The following ZNF804B variants were observed in gnomAD, a reference collection of about 807,000 sequenced individuals.
ZNF804B encodes zinc finger 804B.
Under a neutral mutation model 101.4 loss-of-function variants are expected in ZNF804B, and 80 were observed. The observed-to-expected ratio is 0.79, with a 90% confidence interval of 0.66 to 0.95. ZNF804B has a LOEUF of 0.95. Among genes scored for constraint, ZNF804B ranks in the 40% least tolerant of loss-of-function variants. The probability of loss-of-function intolerance (pLI) is 0.00; values close to 1 mark genes in which losing one functional copy is unlikely to be tolerated. For missense variants in ZNF804B, 1,673 were observed against 1,561.9 expected (o/e 1.07, Z -1.20); for synonymous variants, 622 against 558.8 (o/e 1.11, Z -1.59).
chr7:88,977,018 G>C (rs1407674519), intron 1 of ZNF804B, among the ~76,000 whole-genome samples: 3 of 151,580 alleles, frequency 2.0e-5, no homozygotes, highest in Non-Finnish European at 4.4e-5. Context: ...TCATTCTGTT[G>C]ATACGATGTA....
At chr7:89,071,926 G>T (rs1789548195) in intron 1 of ZNF804B, among the ~76,000 whole-genome samples, 1 of 151,966 alleles carries the variant, frequency 6.6e-6, no homozygotes, top group Admixed American at 6.6e-5. Context: ...ACTTGTTCTG[G>T]CCAATTTTTC....
At chr7:88,977,430 A>G (rs1307816315) in intron 1 of ZNF804B, among the ~76,000 whole-genome samples, 2 of 151,240 alleles carry the variant, frequency 1.3e-5, no homozygotes, top group African/African-American at 2.4e-5. Context: ...ACTACTTGTT[A>G]TTGGTCTGCT....
intron 1 of ZNF804B, among the ~76,000 whole-genome samples, chr7:88,823,529 G>C (rs1187251049): frequency 2.0e-5 from 3 of 150,948 alleles, no homozygotes; most frequent in African/African-American, 7.2e-5. Context: ...GAGAATTTTA[G>C]GGGTCTGACA....
intron 1 of ZNF804B, among the ~76,000 whole-genome samples, chr7:89,116,033 T>C (rs1451058660): frequency 6.6e-6 from 1 of 151,608 alleles, no homozygotes; most frequent in African/African-American, 2.4e-5. Context: ...GCCTCCTGAG[T>C]AGCTGGGACT....
At chr7:89,034,821 GC>G (rs1170500372) in intron 1 of ZNF804B, among the ~76,000 whole-genome samples, 2 of 152,122 alleles carry the variant, frequency 1.3e-5, no homozygotes, top group African/African-American at 4.8e-5. Flanking sequence ...TTGAGGAATT[GC>G]CAGACTGTCT....
chr7:89,028,926 C>A (rs563645765), intron 1 of ZNF804B, among the ~76,000 whole-genome samples: 12 of 152,164 alleles, frequency 7.9e-5, no homozygotes, highest in African/African-American at 2.9e-4. Context: ...ATATTTAATT[C>A]TATGTCCATC....
intron 2 of ZNF804B, among the ~76,000 whole-genome samples, chr7:89,292,952 A>G (rs1361104764): frequency 6.6e-6 from 1 of 152,032 alleles, no homozygotes; most frequent in Non-Finnish European, 1.5e-5. Context: ...TGGTGAGAAA[A>G]ATTTAGAGAC....
At chr7:89,084,944 A>G (rs1292442010) in intron 1 of ZNF804B, among the ~76,000 whole-genome samples, 1 of 151,980 alleles carries the variant, frequency 6.6e-6, no homozygotes, top group East Asian at 1.9e-4. Flanking sequence ...ATTTCTATAA[A>G]TAATCATTTA....
In ZNF804B at chr7:89,208,082, GT is replaced by G. The variant is rs71526636; in HGVS notation, c.109-10056del. 7.3e-3 allele frequency among the ~76,000 whole-genome samples: 1,041 copies of G among 142,164 alleles called. 12 individuals are homozygous for G. The highest frequency in any genetic ancestry group is 0.024 in the African/African-American group (943 of 38,754). 93.3% of individuals were successfully genotyped at this position (142,164 alleles called of 152,430 possible). On this transcript the variant is annotated intron_variant, in intron 1 of 3. Coordinates refer to ENST00000333190, the MANE Select transcript of ZNF804B (RefSeq NM_181646.5). ...TGTGTTATATTTACTATTTTATTGG[GT>G]TTTTTTTTTTTTTTTTGAGACAGAG...
chr7:89,290,224 A>T (rs558438976), intron 2 of ZNF804B, among the ~76,000 whole-genome samples: 73 of 152,294 alleles, frequency 4.8e-4, no homozygotes, highest in African/African-American at 1.6e-3. Flanking sequence ...CCCAGTTAGT[A>T]TCAAAAACCT....
At chr7:89,271,462 A>C (rs977461936) in intron 2 of ZNF804B, among the ~76,000 whole-genome samples, 1 of 152,110 alleles carries the variant, frequency 6.6e-6, no homozygotes, top group Non-Finnish European at 1.5e-5. Flanking sequence ...TGCTGGATTC[A>C]GTTTGCCAGT....
chr7:89,234,207 G>A (rs112433468), intron 2 of ZNF804B, among the ~76,000 whole-genome samples: 9 of 151,902 alleles, frequency 5.9e-5, no homozygotes, highest in Non-Finnish European at 1.2e-4. Flanking sequence ...AATTGTTGAG[G>A]TGTATATATG....
intron 1 of ZNF804B, among the ~76,000 whole-genome samples, chr7:88,975,305 T>C (rs1299620618): frequency 6.6e-6 from 1 of 151,446 alleles, no homozygotes; most frequent in African/African-American, 2.4e-5. Context: ...AGCTGTGGGA[T>C]TGCTAGACCA....
intron 1 of ZNF804B, among the ~76,000 whole-genome samples, chr7:89,209,127 T>G (rs10259889): frequency 6.6e-6 from 1 of 152,198 alleles, no homozygotes; most frequent in African/African-American, 2.4e-5. Flanking sequence ...TGTTTCTTCA[T>G]GTACAGAAAT....
rs1562920194 is a variant in ZNF804B at position 89,219,997 on chromosome 7, G to GTGTGTATACATA, written c.249+1703_249+1704insGTGTATACATAT. Among the ~76,000 whole-genome samples the GTGTGTATACATA allele has an allele frequency of 7.2e-4, 40 of 55,812 alleles. 13 individuals are homozygous for GTGTGTATACATA. The highest frequency in any genetic ancestry group is 2.9e-3 in the African/African-American group (33 of 11,214). 36.6% of individuals were successfully genotyped at this position (55,812 alleles called of 152,430 possible). A position where few individuals can be genotyped will look rare whatever the true frequency, so the allele number is the denominator to read the frequency against. ...TGTATATACATATGTGTGCATATATGTATATGCACATATATGTGTGTATAC... is the reference window on the plus strand; with the variant it reads ...TGTATATACATATGTGTGCATATATGTGTGTATACATATATATGCACATATATGTGTGTATAC... On this transcript the variant is annotated intron_variant, in intron 2 of 3. Transcript: ENST00000333190.
intron 1 of ZNF804B, among the ~76,000 whole-genome samples, chr7:89,148,713 A>C (rs1386289103): frequency 6.6e-6 from 1 of 151,988 alleles, no homozygotes; most frequent in African/African-American, 2.4e-5. Context: ...TGTGAACAGA[A>C]TTTTTAAAAA....
At chr7:89,069,472 T>C (rs1047204480) in intron 1 of ZNF804B, among the ~76,000 whole-genome samples, 7 of 152,140 alleles carry the variant, frequency 4.6e-5, no homozygotes, top group African/African-American at 1.7e-4. Flanking sequence ...GTCATTCAAA[T>C]ACAATCACTA....
rs1471924779 is a variant in ZNF804B, at chr7:89,337,610, AT to A, written c.*579del. Among the ~76,000 whole-genome samples the A allele has an allele frequency of 6.6e-6, 1 of 152,176 alleles. No individual in the cohort carries two copies. On this transcript the variant is annotated 3_prime_UTR_variant, in exon 4 of 4. Transcript: ENST00000333190. ...GAAAATTACATTTTAATGAAAAACA[AT>A]CTTTATAGATTATACTTTTGAGTTT...
intron 2 of ZNF804B, among the ~76,000 whole-genome samples, chr7:89,278,489 AC>A (rs1662607580): frequency 6.6e-6 from 1 of 150,882 alleles, no homozygotes; most frequent in Non-Finnish European, 1.5e-5. Flanking sequence ...TTTAGGTCTA[AC>A]GTTTCAGTCT....
Sources: gnomAD v4.1 joint callset for allele counts (sites outside exome capture counted in the v4.1 genomes callset) on GRCh38, gnomAD v4.1.1 for gene constraint, MANE v1.5 for transcripts, NCBI Gene and HGNC (gene_info 2026-07-23, HGNC 2026-07-21) for gene names.